Variants in PARPBP observed in about 807,000 individuals in gnomAD.
PARPBP encodes PARP1 binding protein, also known as PCNA-interacting partner.
Under a neutral mutation model 50.0 loss-of-function variants are expected in PARPBP, and 52 were observed. The observed-to-expected ratio is 1.04, with a 90% confidence interval of 0.83 to 1.31. PARPBP has a LOEUF of 1.31. Ranked by LOEUF, PARPBP falls within the 50% of genes most tolerant of loss-of-function variation. The probability of loss-of-function intolerance (pLI) is 0.00; values close to 1 mark genes in which losing one functional copy is unlikely to be tolerated. For synonymous variants in PARPBP, 244 were observed against 232.1 expected, an observed-to-expected ratio of 1.05 and a Z score of -0.47; for missense variants, 697 against 672.0, an observed-to-expected ratio of 1.04 and a Z score of -0.41.
intron 2 of PARPBP, among the ~76,000 whole-genome samples, chr12:102,140,930 G>A (rs1048403443): frequency 1.6e-4 from 24 of 152,290 alleles, no homozygotes; most frequent in South Asian, 4.1e-4. Context: ...GAATAAGTGC[G>A]GTGTGGTGCT....
intron 2 of PARPBP, among the ~76,000 whole-genome samples, chr12:102,126,680 G>A (rs550761998): frequency 2.6e-5 from 4 of 152,232 alleles, no homozygotes; most frequent in South Asian, 4.1e-4. Context: ...CCAGCTACTC[G>A]GGAGGCTGAG....
At chr12:102,137,554 T>A (rs1883837892) in intron 2 of PARPBP, among the ~76,000 whole-genome samples, 1 of 151,994 alleles carries the variant, frequency 6.6e-6, no homozygotes, top group African/African-American at 2.4e-5. Flanking sequence ...GTGCACAACG[T>A]GCAGGTTTGT....
intron 6 of PARPBP, among the ~76,000 whole-genome samples, chr12:102,171,036 C>A (rs1303293362): frequency 1.3e-5 from 2 of 151,348 alleles, no homozygotes; most frequent in African/African-American, 4.9e-5. Flanking sequence ...TCTTGTCCCA[C>A]TGGAAAATCT....
At chr12:102,180,113 A>G (rs1214230722) in intron 8 of PARPBP, among the ~76,000 whole-genome samples, 1 of 152,170 alleles carries the variant, frequency 6.6e-6, no homozygotes, top group African/African-American at 2.4e-5. Context: ...TTATATCTGG[A>G]CATGAAATAA....
At chr12:102,129,141 C>T (rs117776510) in intron 2 of PARPBP, among the ~76,000 whole-genome samples, 14 of 152,078 alleles carry the variant, frequency 9.2e-5, no homozygotes, top group Non-Finnish European at 1.9e-4. Flanking sequence ...TCTTAAAAAA[C>T]GATTATTTTT....
intron 6 of PARPBP, among the ~76,000 whole-genome samples, chr12:102,167,404 G>C (rs1888250804): frequency 6.6e-6 from 1 of 151,900 alleles, no homozygotes; most frequent in Non-Finnish European, 1.5e-5. Context: ...ATGCTTTTCT[G>C]TTTTTTACTT....
chr12:102,142,159 A>G (rs905916553), intron 2 of PARPBP, among the ~76,000 whole-genome samples: 1 of 152,100 alleles, frequency 6.6e-6, no homozygotes, highest in Non-Finnish European at 1.5e-5. Context: ...ATATAGTCCC[A>G]TATTTCTTGG....
Position 102,197,231 on chromosome 12 carries a change from A to AATTGTATTATAGTTCCACTCCGAATACG in PARPBP, c.*947_*948insTATAGTTCCACTCCGAATACGATTGTAT. 7.9e-7 allele frequency: 1 copy of AATTGTATTATAGTTCCACTCCGAATACG among 1,271,272 alleles called. No individual in the cohort carries two copies. Among genetic ancestry groups the AATTGTATTATAGTTCCACTCCGAATACG allele is most frequent in the Non-Finnish European group, 1.1e-6 (1 of 888,226 alleles). 78.7% of individuals were successfully genotyped at this position (1,271,272 alleles called of 1,614,324 possible). On this transcript the variant is annotated 3_prime_UTR_variant, in exon 11 of 11. Coordinates refer to ENST00000327680, the MANE Select transcript of PARPBP (RefSeq NM_017915.5). ...CGTATTCGGAGTGGAACTATAATAC[A>AATTGTATTATAGTTCCACTCCGAATACG]ATTGTATAATATTCTTGTTGATCAA...
At chr12:102,183,470 T>C (rs575475108) in intron 9 of PARPBP, among the ~76,000 whole-genome samples, 1 of 152,304 alleles carries the variant, frequency 6.6e-6, no homozygotes, top group South Asian at 2.1e-4. Flanking sequence ...CCATTTAGTT[T>C]ATTTATTAAT....
chr12:102,186,929 C>A (rs1014847901), intron 9 of PARPBP, among the ~76,000 whole-genome samples: 7 of 151,634 alleles, frequency 4.6e-5, no homozygotes, highest in African/African-American at 1.4e-4. Context: ...TTCATAAACA[C>A]CCAGGTAGTA....
At chr12:102,141,084 G>C (rs1273905338) in intron 2 of PARPBP, among the ~76,000 whole-genome samples, 3 of 152,174 alleles carry the variant, frequency 2.0e-5, no homozygotes, top group Non-Finnish European at 2.9e-5. Flanking sequence ...ACAGTGGGGT[G>C]TTAAAGTCTC....
At chr12:102,179,070 G>A (rs1210583551) in intron 8 of PARPBP, among the ~76,000 whole-genome samples, 4 of 152,126 alleles carry the variant, frequency 2.6e-5, no homozygotes, top group African/African-American at 9.7e-5. Flanking sequence ...AAATGTTTCA[G>A]TTAAATTATT....
intron 6 of PARPBP, among the ~76,000 whole-genome samples, chr12:102,175,239 T>C (rs1388714287): frequency 6.6e-6 from 1 of 152,236 alleles, no homozygotes; most frequent in Non-Finnish European, 1.5e-5. Context: ...TATAACTAAA[T>C]TATTTCCCAT....
chr12:102,164,392 TAGA>T, intron 4 of PARPBP, 43 bp from the exon 5 acceptor site: 1 of 1,383,866 alleles, frequency 7.2e-7, no homozygotes, highest in Admixed American at 1.8e-5. Context: ...ATTATGGATT[TAGA>T]AGAACTGCAA....
At chr12:102,147,386 A>G (rs1327714555) in intron 2 of PARPBP, among the ~76,000 whole-genome samples, 11 of 152,154 alleles carry the variant, frequency 7.2e-5, no homozygotes, top group African/African-American at 1.2e-4. Context: ...CTATGCAGCC[A>G]TGAAAAATGA....
At chr12:102,174,496 A>G (rs1182431201) in intron 6 of PARPBP, among the ~76,000 whole-genome samples, 1 of 152,164 alleles carries the variant, frequency 6.6e-6, no homozygotes, top group African/African-American at 2.4e-5. Context: ...AATTTCCTTT[A>G]TGCCACTACA....
intron 2 of PARPBP, among the ~76,000 whole-genome samples, chr12:102,138,400 A>AT (rs1408427186): frequency 3.4e-4 from 52 of 151,980 alleles, no homozygotes; most frequent in African/African-American, 1.0e-3. Context: ...TAGATTCTGG[A>AT]ATTAGCCCTT....
chr12:102,149,189 T>C (rs1885860739), intron 3 of PARPBP, among the ~76,000 whole-genome samples: 1 of 152,246 alleles, frequency 6.6e-6, no homozygotes, highest in African/African-American at 2.4e-5. Context: ...ATGTTTGCTA[T>C]ATTTTGTAAG....
At chr12:102,186,636 C>T (rs1014526540) in intron 9 of PARPBP, among the ~76,000 whole-genome samples, 1 of 152,078 alleles carries the variant, frequency 6.6e-6, no homozygotes, top group Non-Finnish European at 1.5e-5. Flanking sequence ...CAAGGAGATA[C>T]CTCCTTAAAT....
Sources: gnomAD v4.1 joint callset for allele counts (sites outside exome capture counted in the v4.1 genomes callset) on GRCh38, gnomAD v4.1.1 for gene constraint, MANE v1.5 for transcripts, NCBI Gene and HGNC (gene_info 2026-07-23, HGNC 2026-07-21) for gene names.